PYROXD2: variants seen among roughly 807,000 people sequenced by gnomAD.
PYROXD2 encodes the protein pyridine nucleotide-disulphide oxidoreductase domain 2, also known as pyridine nucleotide-disulfide oxidoreductase domain-containing protein 2.
In PYROXD2, 69 loss-of-function variants were observed where a neutral mutation model predicts 71.1. The ratio of observed to expected loss-of-function variants is 0.97; its 90% CI spans 0.80 to 1.19. The LOEUF (loss-of-function observed/expected upper bound fraction) is 1.19. PYROXD2 is among the 50% of genes most tolerant of loss of function. The pLI, the probability that PYROXD2 is intolerant of heterozygous loss-of-function variation, is 0.00. For synonymous variants in PYROXD2, 287 were observed against 302.7 expected (o/e 0.95, Z 0.54); for missense variants, 745 against 748.9 (o/e 0.99, Z 0.06).
intron 4 of PYROXD2, among the ~76,000 whole-genome samples, chr10:98,405,851 C>T (rs769548724): frequency 4.6e-5 from 7 of 152,260 alleles, no homozygotes; most frequent in Non-Finnish European, 1.0e-4. Context: ...AATTCTCCAT[C>T]ACTTTCTAGC....
intron 10 of PYROXD2, among the ~76,000 whole-genome samples, 158 bp downstream of exon 10, chr10:98,392,274 C>T (rs1466137427): frequency 1.3e-5 from 2 of 152,144 alleles, no homozygotes; most frequent in Non-Finnish European, 2.9e-5. Flanking sequence ...AGGCTTCTTC[C>T]CCGTTTGCTA....
chr10:98,398,927 A>G (rs1843292179), intron 5 of PYROXD2, among the ~76,000 whole-genome samples: 1 of 152,038 alleles, frequency 6.6e-6, no homozygotes. Flanking sequence ...CTTGAGCTCA[A>G]GAGTTCCAGA....
chr10:98,384,978 G>A lies in PYROXD2; in HGVS notation c.1644C>T (p.Gly548=). Residue 548 remains glycine (G), a synonymous_variant, in exon 15 of 16, where the codon GGC becomes GGT. Transcript: ENST00000370575. Reference sequence around the variant, plus strand: ...GAGCCCCACTTCCACAGAGATACAGGCCCTGGAGAGGGCAGCGGTAGCCAG... The same window carrying A: ...GAGCCCCACTTCCACAGAGATACAGACCCTGGAGAGGGCAGCGGTAGCCAG... The part of the protein sequence containing the change: ...LHSGYRCPLQ[G]LYLCGSGAHP... The A allele has an allele frequency of 1.2e-6, 2 of 1,613,786 alleles. No individual in the cohort carries two copies. Among genetic ancestry groups the A allele is most frequent in the Non-Finnish European group, 1.7e-6 (2 of 1,179,950 alleles).
At chr10:98,395,603 C>T (rs1315665680) in intron 6 of PYROXD2, 151 bp from the exon 7 acceptor site, 1 of 666,008 alleles carries the variant, frequency 1.5e-6, no homozygotes, top group African/African-American at 1.8e-5. Flanking sequence ...CAGCTTGAGT[C>T]CTGGCCACAC....
At chr10:98,411,614 G>C (rs10748729) in intron 1 of PYROXD2, 54,884 of 151,772 alleles carry the variant, frequency 0.36, 11,044 homozygotes, top group African/African-American at 0.53. Flanking sequence ...AGGGTGCCTT[G>C]AGCTGAGAGG....
chr10:98,404,739 C>T (rs1241533712), intron 4 of PYROXD2, among the ~76,000 whole-genome samples: 1 of 152,058 alleles, frequency 6.6e-6, no homozygotes, highest in Non-Finnish European at 1.5e-5. Context: ...GGGTGTGGTT[C>T]TCAAAGTTAT....
Position 98,391,016 on chromosome 10 carries a change from TC to T in PYROXD2, c.1128del (p.Ile377SerfsTer5). ...SQLDTRSPVT[K>X]INVAVDRLPS... ...AATGTGGTGTGCCTCTTACCATTGA[TC>T]TTGGTGACAGGCGACCGGGTGTCCA... On this transcript the variant is annotated frameshift_variant, in exon 11 of 16. Coordinates refer to ENST00000370575, the MANE Select transcript of PYROXD2 (RefSeq NM_032709.3). LOFTEE classifies it high-confidence loss of function. 6.2e-7 allele frequency: 1 copy of T among 1,610,870 alleles called. No individual in the cohort carries two copies. The highest frequency in any genetic ancestry group is 1.1e-5 in the South Asian group (1 of 91,004).
chr10:98,405,551 T>A (rs1391948106), intron 4 of PYROXD2, among the ~76,000 whole-genome samples: 1 of 152,202 alleles, frequency 6.6e-6, no homozygotes, highest in African/African-American at 2.4e-5. Context: ...AGGAGGCAGC[T>A]GCTGTTACTA....
rs745438825 is a variant in PYROXD2 at position 98,414,998 on chromosome 10, T to C, written c.127+11A>G. ...CCCTCAGCTCTGGCCCGGCCTGCTTTACCACTTTACCTGCTCCTATCACCA... is the reference window on the plus strand; with the variant it reads ...CCCTCAGCTCTGGCCCGGCCTGCTTCACCACTTTACCTGCTCCTATCACCA... On this transcript the variant is annotated intron_variant, in intron 1 of 15. Coordinates refer to ENST00000370575, the MANE Select transcript of PYROXD2 (RefSeq NM_032709.3). 3 of 1,612,380 alleles carry C rather than the reference T, an allele frequency of 1.9e-6. No individual in the cohort carries two copies. The highest frequency in any genetic ancestry group is 2.5e-6 in the Non-Finnish European group (3 of 1,179,078).
intron 5 of PYROXD2, among the ~76,000 whole-genome samples, chr10:98,397,858 C>T (rs1843244911): frequency 6.8e-6 from 1 of 146,572 alleles, no homozygotes; most frequent in Non-Finnish European, 1.5e-5. Context: ...TTAGAAGTTT[C>T]TTCCTTCTGT....
intron 12 of PYROXD2, 130 bp from the exon 13 acceptor site, chr10:98,388,638 A>C: frequency 1.9e-6 from 2 of 1,069,422 alleles, no homozygotes. Context: ...CTCTACAGCC[A>C]CAGTGGTTGT....
At chr10:98,407,209 C>G (rs1196595358) in intron 4 of PYROXD2, among the ~76,000 whole-genome samples, 1 of 152,130 alleles carries the variant, frequency 6.6e-6, no homozygotes, top group Non-Finnish European at 1.5e-5. Flanking sequence ...CTCCAGCTGC[C>G]AAGAGAGGGA....
rs1259305224 is a variant in PYROXD2, at chr10:98,408,225, C to T, written c.148-228G>A. Reference sequence around the variant, plus strand: ...TCCTCTAAGATCCGACAGGCCTGCTCCCGCCCCTCCACTTCCCAGCTGAAA... The same window carrying T: ...TCCTCTAAGATCCGACAGGCCTGCTTCCGCCCCTCCACTTCCCAGCTGAAA... On this transcript the variant is annotated intron_variant, in intron 2 of 15. Coordinates refer to ENST00000370575, the MANE Select transcript of PYROXD2 (RefSeq NM_032709.3). Among the ~76,000 whole-genome samples the T allele has an allele frequency of 1.3e-5, 2 of 152,192 alleles. 1 individual carries two copies. The highest frequency in any genetic ancestry group is 3.9e-4 in the East Asian group (2 of 5,186).
At chr10:98,384,797 A>G in intron 15 of PYROXD2, 150 bp downstream of exon 15, 2 of 1,205,370 alleles carry the variant, frequency 1.7e-6, no homozygotes, top group Non-Finnish European at 2.2e-6. Context: ...GTGCATGGAT[A>G]ATTCTGAACA....
intron 12 of PYROXD2, among the ~76,000 whole-genome samples, chr10:98,389,812 G>A (rs1842887643): frequency 6.6e-6 from 1 of 152,212 alleles, no homozygotes; most frequent in Non-Finnish European, 1.5e-5. Context: ...TGGATAGAGA[G>A]TCAACGACCT....
At chr10:98,388,987 T>C (rs1341613284) in intron 12 of PYROXD2, among the ~76,000 whole-genome samples, 1 of 152,128 alleles carries the variant, frequency 6.6e-6, no homozygotes, top group African/African-American at 2.4e-5. Context: ...CCACCACCTT[T>C]GCCTGCCACA....
At chr10:98,408,026 T>C (rs1422615537) in intron 2 of PYROXD2, 29 bp from the exon 3 acceptor site, 7 of 1,550,556 alleles carry the variant, frequency 4.5e-6, no homozygotes, top group Middle Eastern at 1.7e-4. Flanking sequence ...CACAGGGCCC[T>C]CCCTTTATCC....
chr10:98,401,374 G>T (rs929284647), intron 4 of PYROXD2, among the ~76,000 whole-genome samples: 1 of 152,046 alleles, frequency 6.6e-6, no homozygotes, highest in Non-Finnish European at 1.5e-5. Context: ...AGGACTGGAA[G>T]TTGCTCTGGG....
chr10:98,395,579 T>C, intron 6 of PYROXD2, 127 bp from the exon 7 acceptor site: 1 of 765,106 alleles, frequency 1.3e-6, no homozygotes, highest in Non-Finnish European at 2.3e-6. Flanking sequence ...GCACAGCCAA[T>C]GCAGGGACAG....
Sources: allele counts gnomAD v4.1 joint callset (sites outside exome capture counted in the v4.1 genomes callset), GRCh38; gene constraint gnomAD v4.1.1; transcripts MANE v1.5; gene names NCBI Gene and HGNC (gene_info 2026-07-23, HGNC 2026-07-21).